CHD6: variants seen among roughly 807,000 people sequenced by gnomAD.
The protein encoded by CHD6 is ATP-dependent chromatin remodeler CHD6.
Under a neutral mutation model 276.9 loss-of-function variants are expected in CHD6, and 50 were observed. The observed-to-expected ratio is 0.18, with a 90% CI of 0.14 to 0.23. The LOEUF (loss-of-function observed/expected upper bound fraction) is 0.23, where lower values mean the gene tolerates loss of function less well. Ranked by LOEUF, CHD6 falls within the 10% of genes least tolerant of loss-of-function variation. The pLI, the probability that CHD6 is intolerant of heterozygous loss-of-function variation, is 1.00. For missense variants in CHD6, 2,564 were observed against 3,365.8 expected, an observed-to-expected ratio of 0.76 and a Z score of 5.89; for synonymous variants, 1,173 against 1,229.3, an observed-to-expected ratio of 0.95 and a Z score of 0.96.
At position 41,440,064 on chromosome 20, in the gene CHD6, G is replaced by T; in HGVS notation, c.3943C>A (p.Pro1315Thr). ...TCTGCAGAAAGGGACTTCTCATCGG[G>T]CATCCCAACTTTCTCCAGGAAGCAA... The part of the protein sequence containing the change: ...ALCFLEKVGM[P>T]DEKSLSAEQG... The change falls in exon 26 of 37, where the codon CCC (proline) becomes ACC (threonine). Residue 1315 changes from proline (P) to threonine (T), a missense_variant. By Grantham distance (38) the Pro-to-Thr change is conservative. Coordinates refer to ENST00000373233, the MANE Select transcript of CHD6 (RefSeq NM_032221.5). 6.2e-7 allele frequency: 1 copy of T among 1,613,684 alleles called. No individual in the cohort carries two copies. Among genetic ancestry groups the T allele is most frequent in the Non-Finnish European group, 8.5e-7 (1 of 1,179,626 alleles).
intron 6 of CHD6, among the ~76,000 whole-genome samples, chr20:41,498,792 T>C (rs1015256055): frequency 1.2e-5 from 1 of 81,818 alleles, no homozygotes; most frequent in Non-Finnish European, 2.1e-5. Flanking sequence ...TATGTATGTA[T>C]GTATGTATGT....
intron 2 of CHD6, among the ~76,000 whole-genome samples, chr20:41,543,338 T>A (rs2044982784): frequency 1.3e-5 from 2 of 152,170 alleles, no homozygotes; most frequent in Non-Finnish European, 2.9e-5. Context: ...TCAAGGGCCA[T>A]TGCTTTTAAT....
chr20:41,485,703 G>A (rs1332323835), intron 14 of CHD6: 1 of 151,952 alleles, frequency 6.6e-6, no homozygotes, highest in East Asian at 1.9e-4. Context: ...GTGGGGCGGG[G>A]TAGGGAGGTA....
intron 4 of CHD6, among the ~76,000 whole-genome samples, 175 bp downstream of exon 4, chr20:41,514,630 G>C (rs913445552): frequency 6.6e-6 from 1 of 152,128 alleles, no homozygotes; most frequent in African/African-American, 2.4e-5. Context: ...TTAGTATACT[G>C]ATCGGGCTAG....
intron 1 of CHD6, among the ~76,000 whole-genome samples, chr20:41,582,192 C>T (rs1349079879): frequency 6.6e-6 from 1 of 151,998 alleles, no homozygotes; most frequent in African/African-American, 2.4e-5. Context: ...TATCCAAATA[C>T]TAACAAAACA....
chr20:41,417,476 G>A (rs1348958133), intron 31 of CHD6, 127 bp from the exon 32 acceptor site: 3 of 762,590 alleles, frequency 3.9e-6, no homozygotes, highest in Non-Finnish European at 5.9e-6. Context: ...TATTTTAAAT[G>A]GAATATTAAT....
intron 1 of CHD6, among the ~76,000 whole-genome samples, chr20:41,578,629 G>C (rs758401340): frequency 6.9e-6 from 1 of 145,858 alleles, no homozygotes; most frequent in Non-Finnish European, 1.5e-5. Context: ...GCAGTGAGCC[G>C]AGATCGCACC....
intron 5 of CHD6, among the ~76,000 whole-genome samples, chr20:41,509,280 G>A (rs896197334): frequency 1.3e-5 from 2 of 152,174 alleles, no homozygotes; most frequent in African/African-American, 4.8e-5. Flanking sequence ...CATCTGAATA[G>A]TTCCTGGGAG....
In CHD6 at chr20:41,405,192, T is replaced by A; in HGVS notation, c.7549A>T (p.Met2517Leu). 6.2e-7 allele frequency: 1 copy of A among 1,614,198 alleles called. No homozygotes were observed. Among genetic ancestry groups the A allele is most frequent in the Non-Finnish European group, 8.5e-7 (1 of 1,180,030 alleles). Residue 2517 changes from methionine to leucine, a missense_variant, in exon 37 of 37, where the codon ATG becomes TTG. By Grantham distance (15) the Met-to-Leu change is conservative (BLOSUM62 2). Around this residue, in one of 7 missense-constraint regions of CHD6, gnomAD observed 238 missense variants for 266.0 expected, o/e 0.89. Transcript: ENST00000373233. The part of the protein sequence containing the change: ...TGEEVKSTLS[M>L]LPMMLPGMAA... ...ATGCCTGGCAGCATCATGGGCAGCA[T>A]GCTCAGGGTACTTTTGACCTCTTCA...
At chr20:41,413,766 C>A (rs751825227) in intron 34 of CHD6, 7 of 324,316 alleles carry the variant, frequency 2.2e-5, no homozygotes, top group Non-Finnish European at 3.4e-5. Flanking sequence ...CACTTTAACT[C>A]CATCCTGACT....
chr20:41,599,596 A>G (rs2045753297), intron 1 of CHD6, among the ~76,000 whole-genome samples: 1 of 152,126 alleles, frequency 6.6e-6, no homozygotes, highest in African/African-American at 2.4e-5. Flanking sequence ...CTACTCCCAG[A>G]CAACCAAGAG....
intron 1 of CHD6, among the ~76,000 whole-genome samples, chr20:41,579,864 CAT>C (rs781337237): frequency 2.0e-5 from 3 of 152,252 alleles, no homozygotes; most frequent in East Asian, 1.9e-4. Context: ...TTCCAACACT[CAT>C]ATATTTTTAT....
intron 1 of CHD6, among the ~76,000 whole-genome samples, chr20:41,573,155 C>A (rs183671451): frequency 2.4e-4 from 37 of 152,218 alleles, no homozygotes; most frequent in Middle Eastern, 3.4e-3. Context: ...GTGATCCACC[C>A]GCCTCGGCCT....
rs375002787 is a variant in CHD6, at chr20:41,599,308, G to A, written c.-24+19032C>T. On this transcript the variant is annotated intron_variant, in intron 1 of 36. Transcript: ENST00000373233. The stretch of plus-strand genomic sequence containing the variant: ...TATCCCTAACAACACAGCCCCCGAT[G>A]GAACAATTACAAAAGCCTGGGCCTT... Among the ~76,000 whole-genome samples the A allele has an allele frequency of 9.9e-4, 151 of 152,146 alleles. 1 individual carries two copies. Among genetic ancestry groups the A allele is most frequent in the African/African-American group, 3.5e-3 (145 of 41,502 alleles).
chr20:41,438,097 T>G (rs920288795), intron 26 of CHD6, among the ~76,000 whole-genome samples: 11 of 152,176 alleles, frequency 7.2e-5, no homozygotes, highest in African/African-American at 2.7e-4. Context: ...CTGGTCACAG[T>G]AGGATGAATC....
intron 25 of CHD6, among the ~76,000 whole-genome samples, chr20:41,444,230 C>T (rs2047993469): frequency 6.6e-6 from 1 of 152,206 alleles, no homozygotes; most frequent in African/African-American, 2.4e-5. Flanking sequence ...GGAGATCACG[C>T]ACTTCCTTCT....
At chr20:41,447,603 T>C (rs1358197784) in intron 24 of CHD6, among the ~76,000 whole-genome samples, 2 of 152,244 alleles carry the variant, frequency 1.3e-5, no homozygotes, top group Non-Finnish European at 2.9e-5. Flanking sequence ...AAATGACTGT[T>C]TTAAAAGAAA....
chr20:41,483,435 G>C lies in CHD6; in HGVS notation c.2342C>G (p.Ala781Gly), dbSNP rs2043339895. The stretch of plus-strand genomic sequence containing the variant: ...ATCAATCAACACAAGCTTTCCTGCT[G>C]CCTGAATCATGGCCTGCAGCTGAAA... ...PDFQLQAMIQAAGKLVLIDKL... is the reference protein window; with the variant it reads ...PDFQLQAMIQGAGKLVLIDKL... The change falls in exon 16 of 37, where the codon GCA (alanine) becomes GGA (glycine). Residue 781 changes from alanine (A) to glycine (G), a missense_variant. Ala to Gly is a moderately conservative substitution (Grantham distance 60). Coordinates refer to ENST00000373233, the MANE Select transcript of CHD6 (RefSeq NM_032221.5). 6.2e-7 allele frequency: 1 copy of C among 1,613,632 alleles called. No individual in the cohort carries two copies. Among genetic ancestry groups the C allele is most frequent in the Admixed American group, 1.7e-5 (1 of 59,924 alleles).
At position 41,549,948 on chromosome 20, in the gene CHD6, G is replaced by A. The variant is rs528507516; in HGVS notation, c.33+1357C>T. On this transcript the variant is annotated intron_variant, in intron 2 of 36. Coordinates refer to ENST00000373233, the MANE Select transcript of CHD6 (RefSeq NM_032221.5). Reference sequence around the variant, plus strand: ...TGAGTAGCTGCGATTACAGGTGCTCGCCACCATGCCTGGCTAATTTTTTTG... The same window carrying A: ...TGAGTAGCTGCGATTACAGGTGCTCACCACCATGCCTGGCTAATTTTTTTG... Among the ~76,000 whole-genome samples, 15 of 152,228 alleles carry A rather than the reference G, an allele frequency of 9.9e-5. No homozygotes were observed. In the South Asian group the frequency reaches 2.1e-3, roughly 21 times the overall value.
Sources: gnomAD v4.1 joint callset for allele counts (sites outside exome capture counted in the v4.1 genomes callset) on GRCh38, gnomAD v4.1.1 for gene constraint, gnomAD v4.1.1 regional missense constraint, MANE v1.5 for transcripts, NCBI Gene and HGNC (gene_info 2026-07-23, HGNC 2026-07-21) for gene names.